NR6A1: variants seen among roughly 807,000 people sequenced by gnomAD.
NR6A1 encodes the protein nuclear receptor subfamily 6 group A member 1, also known as retinoic acid receptor-related testis-associated receptor.
A neutral mutation model predicts 59.1 loss-of-function variants in NR6A1; 7 were observed. That is an observed-to-expected ratio of 0.12 (90% CI 0.07 to 0.22). NR6A1 has a LOEUF of 0.22. Among genes scored for constraint, NR6A1 ranks in the 10% least tolerant of loss-of-function variants. The pLI is 1.00. For synonymous variants in NR6A1, 243 were observed against 236.1 expected, an observed-to-expected ratio of 1.03 and a Z score of -0.27; for missense variants, 468 against 611.6, an observed-to-expected ratio of 0.77 and a Z score of 2.48.
chr9:124,722,953 A>C (rs1327457963), intron 2 of NR6A1, among the ~76,000 whole-genome samples: 1 of 152,064 alleles, frequency 6.6e-6, no homozygotes, highest in Non-Finnish European at 1.5e-5. Context: ...TGGCCTCCCA[A>C]AGTGCTAGGA....
intron 8 of NR6A1, among the ~76,000 whole-genome samples, chr9:124,525,691 C>CTATA (rs1200796923): frequency 1.3e-5 from 2 of 150,198 alleles, no homozygotes; most frequent in African/African-American, 4.9e-5. Context: ...CTCTCTCTCT[C>CTATA]TCTCTCTCTA....
intron 1 of NR6A1, among the ~76,000 whole-genome samples, chr9:124,756,796 C>G (rs1373038398): frequency 3.3e-5 from 5 of 152,172 alleles, no homozygotes; most frequent in African/African-American, 7.2e-5. Context: ...TATTAGAAGA[C>G]ACACGCACAT....
chr9:124,540,268 T>A, intron 4 of NR6A1, 81 bp from the exon 5 acceptor site: 1 of 1,432,164 alleles, frequency 7.0e-7, no homozygotes, highest in Non-Finnish European at 9.4e-7. Context: ...TATTTAAATC[T>A]CATAGGATTT....
At position 124,591,166 on chromosome 9, in the gene NR6A1, C is replaced by T. The variant is rs575853638; in HGVS notation, c.143-36596G>A. Among the ~76,000 whole-genome samples, 3 of 152,282 alleles carry T rather than the reference C, an allele frequency of 2.0e-5. No homozygotes were observed. In the East Asian group the frequency reaches 5.8e-4, roughly 29 times the overall value. ...CCTGGAGACCTTAGAGTATAAACAC[C>T]ACCAGCCATAGGCTCACCCAAGAAT... On this transcript the variant is annotated intron_variant, in intron 2 of 9. Coordinates refer to ENST00000487099, the MANE Select transcript of NR6A1 (RefSeq NM_033334.4).
rs149449330 is a variant in NR6A1 at position 124,735,782 on chromosome 9, T to C, written c.101-2433A>G. ...AGTTCTGGAGCCGTGAAGTCCAAGA[T>C]CAAGATGCTGGTAGATTTGGTGTCT... On this transcript the variant is annotated intron_variant, in intron 1 of 9. Coordinates refer to ENST00000487099, the MANE Select transcript of NR6A1 (RefSeq NM_033334.4). Among the ~76,000 whole-genome samples the C allele has an allele frequency of 3.4e-3, 517 of 152,312 alleles. 1 individual carries two copies. The highest frequency in any genetic ancestry group is 6.2e-3 in the Non-Finnish European group (419 of 68,022).
rs74309602 is a variant in NR6A1 at position 124,611,445 on chromosome 9, A to G, written c.143-56875T>C. Among the ~76,000 whole-genome samples, 106 of 152,146 alleles carry G rather than the reference A, an allele frequency of 7.0e-4. 1 individual carries two copies. In the East Asian group the frequency reaches 0.016, roughly 23 times the overall value. ...TCCAGTCTTTGCTCCAAAATTAGAG[A>G]CAATTTAAGGCTGGGCACAGTGGTT... On this transcript the variant is annotated intron_variant, in intron 2 of 9. Coordinates refer to ENST00000487099, the MANE Select transcript of NR6A1 (RefSeq NM_033334.4).
chr9:124,546,657 A>T (rs1331062384), intron 3 of NR6A1, among the ~76,000 whole-genome samples: 2 of 152,224 alleles, frequency 1.3e-5, no homozygotes, highest in African/African-American at 4.8e-5. Flanking sequence ...TTGATTTTTA[A>T]AAGTTATTGA....
rs139890664 is a variant in NR6A1, at chr9:124,618,825, A to C, written c.143-64255T>G. ...CACAGCCCACACTACAGTCATAATA[A>C]ATAATACAGCATTGGTGAGAATAGG... On this transcript the variant is annotated intron_variant, in intron 2 of 9. Transcript: ENST00000487099. Among the ~76,000 whole-genome samples, 183 of 152,348 alleles carry C rather than the reference A, an allele frequency of 1.2e-3. 1 individual carries two copies. Among genetic ancestry groups the C allele is most frequent in the African/African-American group, 4.2e-3 (173 of 41,590 alleles).
At chr9:124,549,509 A>G (rs1006476924) in intron 3 of NR6A1, among the ~76,000 whole-genome samples, 1 of 152,130 alleles carries the variant, frequency 6.6e-6, no homozygotes, top group Non-Finnish European at 1.5e-5. Flanking sequence ...CCCAGTCTCC[A>G]TTCACCACCC....
At chr9:124,537,978 A>G (rs1419244215) in intron 6 of NR6A1, 114 bp downstream of exon 6, 7 of 771,866 alleles carry the variant, frequency 9.1e-6, no homozygotes, top group African/African-American at 1.7e-5. Context: ...CACTTGAGTC[A>G]TTATCCCCCC....
intron 1 of NR6A1, among the ~76,000 whole-genome samples, chr9:124,738,699 T>C (rs1840085319): frequency 6.6e-6 from 1 of 151,816 alleles, no homozygotes; most frequent in Non-Finnish European, 1.5e-5. Flanking sequence ...TAAAACCCCA[T>C]CCCTACTAAA....
At chr9:124,660,874 A>G (rs1304102829) in intron 2 of NR6A1, among the ~76,000 whole-genome samples, 4 of 152,184 alleles carry the variant, frequency 2.6e-5, no homozygotes, top group Non-Finnish European at 5.9e-5. Flanking sequence ...TCTGGTAGAA[A>G]GGAGAGCATT....
chr9:124,541,219 T>G (rs6478669), intron 4 of NR6A1, among the ~76,000 whole-genome samples: 1 of 151,784 alleles, frequency 6.6e-6, no homozygotes, highest in African/African-American at 2.4e-5. Flanking sequence ...GAATATATTA[T>G]CATACATTTG....
chr9:124,616,271 G>A (rs1353269165), intron 2 of NR6A1, among the ~76,000 whole-genome samples: 2 of 151,358 alleles, frequency 1.3e-5, no homozygotes, highest in Non-Finnish European at 1.5e-5. Context: ...GCATGGTGGC[G>A]CATGCCTGTA....
At chr9:124,760,129 T>C (rs1840746012) in intron 1 of NR6A1, among the ~76,000 whole-genome samples, 2 of 150,444 alleles carry the variant, frequency 1.3e-5, no homozygotes, top group South Asian at 2.1e-4. Flanking sequence ...CTGGCCAACA[T>C]GGTGAAATCT....
intron 2 of NR6A1, among the ~76,000 whole-genome samples, chr9:124,569,916 A>G (rs1834388345): frequency 6.6e-6 from 1 of 152,198 alleles, no homozygotes; most frequent in South Asian, 2.1e-4. Context: ...CAAGTGAGCA[A>G]TTTACAAGAC....
rs1175305390 is a variant in NR6A1, at chr9:124,522,540, T to C, written c.*165A>G. On this transcript the variant is annotated 3_prime_UTR_variant, in exon 10 of 10. Transcript: ENST00000487099. ...GTCGTGAAATAAATATATAGAAAAA[T>C]GAGGTTAAAAAAACAGACAAACAAA... 2 of 504,930 alleles carry C rather than the reference T, an allele frequency of 4.0e-6. No homozygotes were observed. Among genetic ancestry groups the C allele is most frequent in the Non-Finnish European group, 7.2e-6 (2 of 277,818 alleles). The allele number at this position is 504,930 out of a possible 1,614,324, so 31.3% of individuals were successfully genotyped here.
chr9:124,706,760 C>A (rs113407232), intron 2 of NR6A1, among the ~76,000 whole-genome samples: 1,545 of 152,028 alleles, frequency 0.01, 26 homozygotes, highest in African/African-American at 0.035. Flanking sequence ...TCGTGATCCA[C>A]CCACCTCAGC....
chr9:124,575,881 G>GT (rs748935316), intron 2 of NR6A1, among the ~76,000 whole-genome samples: 1 of 152,170 alleles, frequency 6.6e-6, no homozygotes, highest in Non-Finnish European at 1.5e-5. Flanking sequence ...ATACCCATCA[G>GT]TAAAATGAGG....
Sources: allele counts gnomAD v4.1 joint callset (sites outside exome capture counted in the v4.1 genomes callset), GRCh38; gene constraint gnomAD v4.1.1; transcripts MANE v1.5; gene names NCBI Gene and HGNC (gene_info 2026-07-23, HGNC 2026-07-21).